Variants in PCDHGA4 observed in about 807,000 individuals in gnomAD.
PCDHGA4 encodes protocadherin gamma-A4.
Under a neutral mutation model 54.6 loss-of-function variants are expected in PCDHGA4, and 38 were observed. The observed-to-expected ratio is 0.70, with a 90% confidence interval of 0.54 to 0.91. The LOEUF is 0.91. PCDHGA4 is among the 40% of genes least tolerant of loss of function. The pLI, the probability that PCDHGA4 is intolerant of heterozygous loss-of-function variation, is 0.00. For missense variants in PCDHGA4, 1,298 were observed against 1,220.9 expected (o/e 1.06, Z -0.94); for synonymous variants, 511 against 512.9 (o/e 1.00, Z 0.05).
At chr5:141,367,743 A>T (rs1765311157) in intron 1 of PCDHGA4, 1 of 152,154 alleles carries the variant, frequency 6.6e-6, no homozygotes, top group African/African-American at 2.4e-5. Flanking sequence ...GCCTCCAGAG[A>T]GTTACATACT....
intron 1 of PCDHGA4, chr5:141,419,317 T>G: frequency 1.2e-6 from 2 of 1,613,952 alleles, no homozygotes; most frequent in Non-Finnish European, 1.7e-6. Context: ...TCAACGGCCG[T>G]GTCTCCTACT....
intron 1 of PCDHGA4, chr5:141,362,414 C>A (rs1399148025): frequency 6.2e-7 from 1 of 1,614,058 alleles, no homozygotes; most frequent in South Asian, 1.1e-5. Context: ...GCCTCACAAT[C>A]AGCCAAGACA....
In PCDHGA4 at chr5:141,476,343, T is replaced by A; in HGVS notation, c.2515-18464T>A. 1 of 1,614,012 alleles carries A rather than the reference T, an allele frequency of 6.2e-7. No individual in the cohort carries two copies. The highest frequency in any genetic ancestry group is 1.3e-5 in the African/African-American group (1 of 74,984). ...GTGGTGTCTGGAGCTAGCCGAAGAT[T>A]CTTTGAGGTGAACCGGGAGACCGGA... On this transcript the variant is annotated intron_variant, in intron 1 of 3. Transcript: ENST00000571252. This position sits in a 1 kb window ranked among gnomAD's most constrained non-coding sequence, Gnocchi z 7.6.
At position 141,485,342 on chromosome 5, in the gene PCDHGA4, G is replaced by A; in HGVS notation, c.2515-9465G>A. On this transcript the variant is annotated intron_variant, in intron 1 of 3. Coordinates refer to ENST00000571252, the MANE Select transcript of PCDHGA4 (RefSeq NM_018917.4). The surrounding 1 kb of genome is among the most constrained non-coding windows in gnomAD (Gnocchi z 5.7). ...CGCTCAAGATTTCCTGCTGGATACG[G>A]ACAGTCTGTCAGCTCGCAGGCTGCA... 1 of 1,614,164 alleles carries A rather than the reference G, an allele frequency of 6.2e-7. No homozygotes were observed. The highest frequency in any genetic ancestry group is 8.5e-7 in the Non-Finnish European group (1 of 1,180,026).
intron 1 of PCDHGA4, chr5:141,433,126 G>A (rs1390613447): frequency 1.9e-6 from 3 of 1,614,120 alleles, no homozygotes; most frequent in Middle Eastern, 1.7e-4. Flanking sequence ...AAAAAAGCGA[G>A]CCCCTTTTGC....
intron 1 of PCDHGA4, chr5:141,376,898 A>G (rs1251182955): frequency 5.2e-6 from 1 of 193,904 alleles, no homozygotes; most frequent in East Asian, 1.4e-4. Context: ...CTTGTTAGCC[A>G]GGATGGTCTC....
Position 141,420,249 on chromosome 5 carries a change from A to C in PCDHGA4, c.2514+62628A>C. 4 of 1,580,072 alleles carry C rather than the reference A, an allele frequency of 2.5e-6. No homozygotes were observed. In the Admixed American group the frequency reaches 7.3e-5, roughly 29 times the overall value. On this transcript the variant is annotated intron_variant, in intron 1 of 3. Transcript: ENST00000571252. The stretch of plus-strand genomic sequence containing the variant: ...GCTAGCATTTTAACTCCCAGCGTTG[A>C]AGCAGATAAGAAGATTCTTAAACAG...
chr5:141,418,572 AC>A lies in PCDHGA4; in HGVS notation c.2514+60957del, dbSNP rs752316020. 8.1e-6 allele frequency: 13 copies of A among 1,613,794 alleles called. 1 individual carries two copies. The Admixed American group carries it at 1.8e-4, about 23-fold the overall frequency. ...ATCCTGGTAATAGATGCCAATGACA[AC>A]CCCCCAGTGTTCAGCCAGGACGTGT... On this transcript the variant is annotated intron_variant, in intron 1 of 3. Transcript: ENST00000571252.
At chr5:141,361,977 C>G in intron 1 of PCDHGA4, 1 of 1,601,656 alleles carries the variant, frequency 6.2e-7, no homozygotes, top group Non-Finnish European at 8.5e-7. Context: ...CCAGCGAGCC[C>G]GGGCTCTTCA....
intron 1 of PCDHGA4, chr5:141,424,478 G>A (rs953233220): frequency 3.3e-5 from 5 of 151,898 alleles, no homozygotes; most frequent in Admixed American, 6.6e-5. Context: ...CTTTTACTTT[G>A]GTGTCTGTGT....
intron 1 of PCDHGA4, among the ~76,000 whole-genome samples, chr5:141,369,532 T>C (rs1330154732): frequency 1.3e-5 from 2 of 152,314 alleles, no homozygotes; most frequent in African/African-American, 2.4e-5. Flanking sequence ...ATCATACTTA[T>C]TTAATTAAAA....
chr5:141,448,103 A>G (rs1252710550), intron 1 of PCDHGA4, among the ~76,000 whole-genome samples: 2 of 151,992 alleles, frequency 1.3e-5, no homozygotes, highest in Non-Finnish European at 2.9e-5. Context: ...AAAAAATTAA[A>G]AGAAAAGAAA....
intron 1 of PCDHGA4, chr5:141,387,557 G>C (rs571413429): frequency 2.4e-6 from 1 of 416,144 alleles, no homozygotes; most frequent in South Asian, 5.2e-5. Context: ...TTTCAGTTAG[G>C]CACACAATTA....
chr5:141,374,475 C>T (rs765909880), intron 1 of PCDHGA4: 4 of 1,612,136 alleles, frequency 2.5e-6, no homozygotes, highest in Admixed American at 1.7e-5. Context: ...GACAATACAC[C>T]CCGATTCTTA....
rs998267605 is a variant in PCDHGA4 at position 141,383,657 on chromosome 5, A to T, written c.2514+26036A>T. The stretch of plus-strand genomic sequence containing the variant: ...CCTCAGTACCAAGTAACTGTCCCCG[A>T]GAATGTGCCAGTGGGTACAAGACTG... On this transcript the variant is annotated intron_variant, in intron 1 of 3. Transcript: ENST00000571252. 6 of 1,614,058 alleles carry T rather than the reference A, an allele frequency of 3.7e-6. No homozygotes were observed. In the East Asian group the frequency reaches 1.3e-4, roughly 36 times the overall value.
intron 1 of PCDHGA4, chr5:141,360,302 T>C: frequency 8.1e-6 from 13 of 1,613,882 alleles, no homozygotes; most frequent in Non-Finnish European, 1.1e-5. Flanking sequence ...GATCTGGGGC[T>C]CAGCGTCCGG....
Position 141,487,421 on chromosome 5 carries a change from C to T in PCDHGA4, c.2515-7386C>T. ...GGGGCTTCCCCCTTCCAATGGGATC[C>T]TCCGAATCCAGCTAGGGTCAGATGA... On this transcript the variant is annotated intron_variant, in intron 1 of 3. Coordinates refer to ENST00000571252, the MANE Select transcript of PCDHGA4 (RefSeq NM_018917.4). This position sits in a 1 kb window ranked among gnomAD's most constrained non-coding sequence, Gnocchi z 5.0. The T allele has an allele frequency of 6.2e-7, 1 of 1,614,144 alleles. No homozygotes were observed. The highest frequency in any genetic ancestry group is 1.1e-5 in the South Asian group (1 of 91,082).
chr5:141,374,289 G>A, intron 1 of PCDHGA4: 1 of 1,614,016 alleles, frequency 6.2e-7, no homozygotes. Context: ...ATCGTCTCCA[G>A]AGGTAGGATG....
At chr5:141,409,813 C>T in intron 1 of PCDHGA4, 2 of 1,611,170 alleles carry the variant, frequency 1.2e-6, no homozygotes, top group African/African-American at 1.3e-5. Flanking sequence ...CCCGCGACCA[C>T]GGCTCGCCCA....
Sources: allele counts gnomAD v4.1 joint callset (sites outside exome capture counted in the v4.1 genomes callset), GRCh38; gene constraint gnomAD v4.1.1; non-coding constraint Gnocchi (gnomAD v3.1); transcripts MANE v1.5; gene names NCBI Gene and HGNC (gene_info 2026-07-23, HGNC 2026-07-21).